The following CUX2 variants were observed in gnomAD, a reference collection of about 807,000 sequenced individuals.
CUX2 encodes the protein cut like homeobox 2, also known as homeobox protein cut-like 2.
In CUX2, 40 loss-of-function variants were observed where a neutral mutation model predicts 144.8. The ratio of observed to expected loss-of-function variants is 0.28; its 90% CI spans 0.21 to 0.36. CUX2 has a LOEUF of 0.36. Among genes scored for constraint, CUX2 ranks in the 10% least tolerant of loss-of-function variants. CUX2 has a pLI of 1.00. For synonymous variants in CUX2, 827 were observed against 875.6 expected (o/e 0.94, Z 0.98); for missense variants, 1,615 against 1,994.0 (o/e 0.81, Z 3.62).
intron 1 of CUX2, among the ~76,000 whole-genome samples, chr12:111,198,787 A>T (rs1458277329): frequency 6.6e-6 from 1 of 152,184 alleles, no homozygotes; most frequent in Non-Finnish European, 1.5e-5. Context: ...GCACATGCAA[A>T]TGCCCTGAGG....
At position 111,255,206 on chromosome 12, in the gene CUX2, C is replaced by T. The variant is rs895892404; in HGVS notation, c.223-8555C>T. 1.3e-5 allele frequency among the ~76,000 whole-genome samples: 2 copies of T among 152,216 alleles called. No individual in the cohort carries two copies. The highest frequency in any genetic ancestry group is 2.4e-5 in the African/African-American group (1 of 41,450). On this transcript the variant is annotated intron_variant, in intron 3 of 21. Coordinates refer to ENST00000261726, the MANE Select transcript of CUX2 (RefSeq NM_015267.4). The surrounding 1 kb of genome is among the most constrained non-coding windows in gnomAD (Gnocchi z 4.1). ...CTAGGATGGGGCCTCTCTGGGACCC[C>T]TGGGTGACCCTCCAGAGGGCCAGAG...
rs757600625 is a variant in CUX2, at chr12:111,334,661, G to T, written c.3147G>T (p.Thr1049=). Residue 1049 remains threonine (T), a synonymous_variant, in exon 19 of 22, where the codon ACG becomes ACT. Coordinates refer to ENST00000261726, the MANE Select transcript of CUX2 (RefSeq NM_015267.4). ...TGGCCATGTCCCCCGAGCTGGACAC[G>T]TACTCCATCACCAAGAGGGTGAAGG... ...EIVAMSPELD[T]YSITKRVKEV... 1.2e-6 allele frequency: 2 copies of T among 1,613,774 alleles called. No individual in the cohort carries two copies. Among genetic ancestry groups the T allele is most frequent in the East Asian group, 4.5e-5 (2 of 44,846 alleles).
chr12:111,318,518 C>T (rs1946120860), intron 16 of CUX2, among the ~76,000 whole-genome samples: 1 of 150,792 alleles, frequency 6.6e-6, no homozygotes, highest in South Asian at 2.1e-4. Context: ...GAGTTTGAGA[C>T]CACAGAGAGC....
intron 1 of CUX2, among the ~76,000 whole-genome samples, chr12:111,122,448 C>T (rs754044047): frequency 6.6e-5 from 10 of 151,384 alleles, no homozygotes; most frequent in East Asian, 3.9e-4. Context: ...GAATATAAAA[C>T]GGGACGGGGG....
At chr12:111,211,068 T>A (rs1417398520) in intron 1 of CUX2, among the ~76,000 whole-genome samples, 1 of 152,178 alleles carries the variant, frequency 6.6e-6, no homozygotes, top group East Asian at 1.9e-4. Context: ...AGATGATGTA[T>A]GTTAGGAGCT....
intron 1 of CUX2, among the ~76,000 whole-genome samples, chr12:111,111,099 C>T (rs555428081): frequency 5.3e-5 from 8 of 152,036 alleles, no homozygotes; most frequent in Admixed American, 1.3e-4. Context: ...GTCAGGAGTT[C>T]GAGACCACCG....
rs754614760 is a variant in CUX2 at position 111,338,366 on chromosome 12, C to T, written c.3277C>T (p.His1093Tyr). The change falls in exon 20 of 22, where the codon CAC becomes TAC. Residue 1093 changes from histidine (H) to tyrosine (Y), a missense_variant. By Grantham distance (83) the His-to-Tyr change is moderately conservative (BLOSUM62 2). Around this residue, in one of 12 missense-constraint regions of CUX2, gnomAD observed 131 missense variants for 223.1 expected, o/e 0.59. Coordinates refer to ENST00000261726, the MANE Select transcript of CUX2 (RefSeq NM_015267.4). The part of the protein sequence containing the change: ...SDLLSRPKPW[H>Y]KLSLKGREPF... ...CCTGCTGTCCCGGCCCAAACCCTGG[C>T]ACAAGCTGAGCCTGAAGGGGCGGGA... 3 of 1,614,156 alleles carry T rather than the reference C, an allele frequency of 1.9e-6. No individual in the cohort carries two copies. In the South Asian group the frequency reaches 3.3e-5, roughly 18 times the overall value.
intron 1 of CUX2, among the ~76,000 whole-genome samples, chr12:111,109,447 A>G (rs1873805971): frequency 2.0e-5 from 3 of 152,122 alleles, no homozygotes; most frequent in Admixed American, 6.6e-5. Context: ...GCCCTTATTT[A>G]TGCTCCGACT....
chr12:111,096,349 T>C (rs1872815440), intron 1 of CUX2, among the ~76,000 whole-genome samples: 1 of 152,204 alleles, frequency 6.6e-6, no homozygotes, highest in Non-Finnish European at 1.5e-5. Context: ...CCTCACATCC[T>C]TTCTTGCTCT....
chr12:111,276,851 T>C (rs1028352022), intron 4 of CUX2, among the ~76,000 whole-genome samples: 1 of 152,144 alleles, frequency 6.6e-6, no homozygotes, highest in African/African-American at 2.4e-5. Context: ...TGTCACCATA[T>C]TGGCTAGGCT....
rs1565904341 is a variant in CUX2 at position 111,304,325 on chromosome 12, G to T, written c.858+11G>T. On this transcript the variant is annotated intron_variant, in intron 10 of 21. Transcript: ENST00000261726. This position sits in a 1 kb window ranked among gnomAD's most constrained non-coding sequence, Gnocchi z 4.7. Reference sequence around the variant, plus strand: ...CAGGGGCCCAGTGGGGTAAGGATGGGGTTGGGGAAGTGAGCAGGGAGGGCA... The same window carrying T: ...CAGGGGCCCAGTGGGGTAAGGATGGTGTTGGGGAAGTGAGCAGGGAGGGCA... 1.2e-6 allele frequency: 2 copies of T among 1,608,704 alleles called. No homozygotes were observed. Among genetic ancestry groups the T allele is most frequent in the Non-Finnish European group, 1.7e-6 (2 of 1,176,086 alleles).
chr12:111,053,722 A>G (rs918785508), intron 1 of CUX2, among the ~76,000 whole-genome samples: 1 of 152,072 alleles, frequency 6.6e-6, no homozygotes, highest in Non-Finnish European at 1.5e-5. Context: ...GCTGCTTTCC[A>G]TGTTTCCAGA....
intron 1 of CUX2, among the ~76,000 whole-genome samples, chr12:111,072,192 G>A (rs540497419): frequency 6.6e-6 from 1 of 152,302 alleles, no homozygotes; most frequent in South Asian, 2.1e-4. Context: ...TGAGTCTATA[G>A]ATCAAGTTGG....
chr12:111,120,399 C>G (rs566006935), intron 1 of CUX2, among the ~76,000 whole-genome samples: 197 of 152,266 alleles, frequency 1.3e-3, no homozygotes, highest in African/African-American at 4.1e-3. Context: ...CAAATCACGT[C>G]TCCTTCCCCT....
chr12:111,174,202 CAGGG>C (rs1253666520), intron 1 of CUX2, among the ~76,000 whole-genome samples: 9 of 152,242 alleles, frequency 5.9e-5, no homozygotes, highest in Admixed American at 1.3e-4. Flanking sequence ...GTCTGGCTGC[CAGGG>C]TGGAAGTGAG....
intron 1 of CUX2, among the ~76,000 whole-genome samples, chr12:111,144,334 T>C (rs1395628892): frequency 6.6e-6 from 1 of 152,224 alleles, no homozygotes; most frequent in Non-Finnish European, 1.5e-5. Flanking sequence ...CACGCTGCCT[T>C]TTCCGGAGCC....
chr12:111,253,993 G>T (rs868513093), intron 3 of CUX2, among the ~76,000 whole-genome samples: 1 of 152,040 alleles, frequency 6.6e-6, no homozygotes, highest in Non-Finnish European at 1.5e-5. Flanking sequence ...GCCTCCCAAG[G>T]TACTGGGATT....
At position 111,087,388 on chromosome 12, in the gene CUX2, A is replaced by G. The variant is rs917480490; in HGVS notation, c.63+53148A>G. Among the ~76,000 whole-genome samples the G allele has an allele frequency of 3.1e-3, 471 of 151,168 alleles. 4 individuals are homozygous for G. The highest frequency in any genetic ancestry group is 0.011 in the African/African-American group (453 of 41,088). ...TCTCAAAAAAAAAAAAAAAAAAAAA[A>G]AAAAAAGAAAGAAAAGAAAGAAAAT... is the stretch of plus-strand genomic sequence containing the variant. On this transcript the variant is annotated intron_variant, in intron 1 of 21. Transcript: ENST00000261726.
At chr12:111,236,085 A>AG (rs1565865301) in intron 3 of CUX2, among the ~76,000 whole-genome samples, 3 of 152,126 alleles carry the variant, frequency 2.0e-5, no homozygotes, top group African/African-American at 7.2e-5. Context: ...TATCTGGAAA[A>AG]GGGGGGATAG....
Sources: gnomAD v4.1 joint callset for allele counts (sites outside exome capture counted in the v4.1 genomes callset) on GRCh38, gnomAD v4.1.1 for gene constraint, gnomAD v4.1.1 regional missense constraint, Gnocchi (gnomAD v3.1) non-coding constraint, MANE v1.5 for transcripts, NCBI Gene and HGNC (gene_info 2026-07-23, HGNC 2026-07-21) for gene names.